VTI1A: variants seen among roughly 807,000 people sequenced by gnomAD.
VTI1A encodes the protein vesicle transport through interaction with t-SNAREs homolog 1A.
Under a neutral mutation model 34.9 loss-of-function variants are expected in VTI1A, and 22 were observed. The ratio of observed to expected loss-of-function variants is 0.63; its 90% confidence interval spans 0.45 to 0.90. VTI1A has a LOEUF of 0.90. Ranked by LOEUF, VTI1A falls within the 40% of genes least tolerant of loss-of-function variation. The probability of loss-of-function intolerance (pLI) is 0.00; values close to 1 mark genes in which losing one functional copy is unlikely to be tolerated. For synonymous variants in VTI1A, 87 were observed against 97.3 expected (o/e 0.89, Z 0.62); for missense variants, 268 against 275.6 (o/e 0.97, Z 0.20).
At chr10:112,838,805 C>T in the VTI1A span, among the ~76,000 whole-genome samples, 5 of 152,216 alleles carry the variant, frequency 3.3e-5, no homozygotes, top group African/African-American at 4.8e-5. Flanking sequence ...GGTGAAATCC[C>T]GATCCTGCAT....
intron 7 of VTI1A, among the ~76,000 whole-genome samples, chr10:112,806,260 A>AT (rs2088082234): frequency 6.6e-6 from 1 of 151,988 alleles, no homozygotes; most frequent in African/African-American, 2.4e-5. Flanking sequence ...TGGCCCAGAG[A>AT]TAGCATCTAG....
At chr10:112,609,330 T>A (rs1266992005) in intron 5 of VTI1A, among the ~76,000 whole-genome samples, 1 of 152,198 alleles carries the variant, frequency 6.6e-6, no homozygotes, top group East Asian at 1.9e-4. Context: ...AAGGTAGTCT[T>A]AGCTTTGGAA....
At chr10:112,690,357 A>C (rs1386815546) in intron 7 of VTI1A, among the ~76,000 whole-genome samples, 1 of 152,252 alleles carries the variant, frequency 6.6e-6, no homozygotes, top group East Asian at 1.9e-4. Flanking sequence ...AAAGACACTG[A>C]ACCATTTTGC....
chr10:112,508,236 G>T (rs1369817805), intron 3 of VTI1A, among the ~76,000 whole-genome samples: 1 of 152,180 alleles, frequency 6.6e-6, no homozygotes, highest in Non-Finnish European at 1.5e-5. Flanking sequence ...TAGATTTTGT[G>T]CTTCTGAATA....
intron 3 of VTI1A, among the ~76,000 whole-genome samples, chr10:112,492,775 A>C (rs1335690117): frequency 6.7e-6 from 1 of 148,694 alleles, no homozygotes; most frequent in Non-Finnish European, 1.5e-5. Context: ...AACAGTCTCA[A>C]AAAAAAAAAA....
At chr10:112,612,998 G>A (rs1845379192) in intron 5 of VTI1A, among the ~76,000 whole-genome samples, 1 of 151,920 alleles carries the variant, frequency 6.6e-6, no homozygotes, top group South Asian at 2.1e-4. Context: ...CTTCTTTCTG[G>A]TTTATAGATA....
chr10:112,527,047 A>C (rs1291561772), intron 3 of VTI1A, 40 bp from the exon 4 acceptor site: 13 of 1,600,298 alleles, frequency 8.1e-6, no homozygotes, highest in African/African-American at 2.7e-5. Context: ...TTACTTTCTA[A>C]CGTTCCTCTC....
At chr10:112,724,277 G>T (rs955628441) in intron 7 of VTI1A, among the ~76,000 whole-genome samples, 1 of 152,176 alleles carries the variant, frequency 6.6e-6, no homozygotes, top group African/African-American at 2.4e-5. Flanking sequence ...ACAGAGAGCT[G>T]AAGAAAAGAT....
chr10:112,825,326 C>G, the VTI1A span: 4 of 152,360 alleles, frequency 2.6e-5, 1 homozygote, highest in Admixed American at 2.0e-4. Context: ...ACAGGCACAC[C>G]CTGTGGGGGA....
At chr10:112,508,745 T>C (rs1338306737) in intron 3 of VTI1A, among the ~76,000 whole-genome samples, 1 of 152,212 alleles carries the variant, frequency 6.6e-6, no homozygotes, top group Non-Finnish European at 1.5e-5. Flanking sequence ...TGCGTTATCT[T>C]TGAAGTTTTT....
At chr10:112,805,291 A>C (rs1853034636) in intron 7 of VTI1A, among the ~76,000 whole-genome samples, 1 of 152,198 alleles carries the variant, frequency 6.6e-6, no homozygotes. Context: ...AAAAAAACTC[A>C]AAAGAAGAAT....
At chr10:112,685,896 T>C (rs1590068245) in intron 7 of VTI1A, among the ~76,000 whole-genome samples, 3 of 152,168 alleles carry the variant, frequency 2.0e-5, no homozygotes, top group Non-Finnish European at 2.9e-5. Context: ...CCACCCCTTA[T>C]GTGTACAACT....
At chr10:112,710,782 T>C (rs1426458428) in intron 7 of VTI1A, among the ~76,000 whole-genome samples, 3 of 152,148 alleles carry the variant, frequency 2.0e-5, no homozygotes, top group Non-Finnish European at 4.4e-5. Flanking sequence ...TCAGTCAGTC[T>C]GCATTGTTGT....
At chr10:112,848,473 G>C in the VTI1A span, among the ~76,000 whole-genome samples, 1 of 152,200 alleles carries the variant, frequency 6.6e-6, no homozygotes, top group Non-Finnish European at 1.5e-5. Flanking sequence ...TCAGACCTTG[G>C]AGAGCAGAGA....
chr10:112,474,829 A>T lies in VTI1A; in HGVS notation c.264+10172A>T, dbSNP rs574615489. Among the ~76,000 whole-genome samples the T allele has an allele frequency of 1.0e-3, 152 of 152,274 alleles. 7 individuals are homozygous for T. In the South Asian group the frequency reaches 0.029, roughly 30 times the overall value. On this transcript the variant is annotated intron_variant, in intron 3 of 7. Coordinates refer to ENST00000393077, the MANE Select transcript of VTI1A (RefSeq NM_145206.4). Reference sequence around the variant, plus strand: ...TAGGTGAAATTGTTAGAAAATCATCATGCAGTTGCCCTTCATTGTTTATAG... The same window carrying T: ...TAGGTGAAATTGTTAGAAAATCATCTTGCAGTTGCCCTTCATTGTTTATAG...
chr10:112,788,461 T>C (rs12243358), intron 7 of VTI1A, among the ~76,000 whole-genome samples: 51,388 of 152,056 alleles, frequency 0.34, 8,843 homozygotes, highest in Non-Finnish European at 0.38. Flanking sequence ...ATAGACACTC[T>C]AGCTCCTTAT....
At chr10:112,519,223 A>G (rs1849921591) in intron 3 of VTI1A, among the ~76,000 whole-genome samples, 1 of 152,168 alleles carries the variant, frequency 6.6e-6, no homozygotes, top group Non-Finnish European at 1.5e-5. Flanking sequence ...AGGAGTTACC[A>G]GATTTTCTGA....
chr10:112,812,280 G>A (rs537351913), intron 7 of VTI1A, among the ~76,000 whole-genome samples: 1 of 152,298 alleles, frequency 6.6e-6, no homozygotes, highest in Admixed American at 6.5e-5. Context: ...AGATTAAGAC[G>A]GCTTGCTGCA....
At position 112,554,529 on chromosome 10, in the gene VTI1A, A is replaced by T. The variant is rs183861996; in HGVS notation, c.427+16199A>T. Among the ~76,000 whole-genome samples the T allele has an allele frequency of 1.7e-4, 26 of 152,270 alleles. No homozygotes were observed. In the East Asian group the frequency reaches 4.4e-3, roughly 26 times the overall value. On this transcript the variant is annotated intron_variant, in intron 5 of 7. Coordinates refer to ENST00000393077, the MANE Select transcript of VTI1A (RefSeq NM_145206.4). ...GTGCCATGAGCATAATTTTTTTGTA[A>T]ATCTAAAGCTATTCTGAAATTAAAA...
Sources: gnomAD v4.1 joint callset for allele counts (sites outside exome capture counted in the v4.1 genomes callset) on GRCh38, gnomAD v4.1.1 for gene constraint, MANE v1.5 for transcripts, NCBI Gene and HGNC (gene_info 2026-07-23, HGNC 2026-07-21) for gene names.